GNB5: variants seen among roughly 807,000 people sequenced by gnomAD.
The protein encoded by GNB5 is guanine nucleotide-binding protein subunit beta-5.
In GNB5, 37 loss-of-function variants were observed where a neutral mutation model predicts 55.3. The ratio of observed to expected loss-of-function variants is 0.67; its 90% confidence interval spans 0.51 to 0.88. The LOEUF is 0.88. GNB5 is among the 40% of genes least tolerant of loss of function. The pLI, the probability that GNB5 is intolerant of heterozygous loss-of-function variation, is 0.00. For synonymous variants in GNB5, 219 were observed against 198.5 expected, an observed-to-expected ratio of 1.10 and a Z score of -0.87; for missense variants, 476 against 515.3, an observed-to-expected ratio of 0.92 and a Z score of 0.74.
rs757529789 is a variant in GNB5, at chr15:52,133,488, CAG to C, written c.772-21_772-20del. 2.6e-6 allele frequency: 4 copies of C among 1,530,784 alleles called. No homozygotes were observed. The highest frequency in any genetic ancestry group is 1.4e-5 in the African/African-American group (1 of 73,528). 94.8% of individuals were successfully genotyped at this position (1,530,784 alleles called of 1,614,324 possible). The stretch of plus-strand genomic sequence containing the variant: ...CACATCCCTACAAATGAAAATTAGC[CAG>C]AGTTATGGCCACTTTAAGGAATGTC... On this transcript the variant is annotated intron_variant, in intron 8 of 12. Transcript: ENST00000261837.
intron 9 of GNB5, among the ~76,000 whole-genome samples, chr15:52,132,557 G>A (rs1378451038): frequency 6.8e-6 from 1 of 146,734 alleles, no homozygotes; most frequent in African/African-American, 2.5e-5. Context: ...GCACCATCTC[G>A]GCTCACTGTA....
At chr15:52,129,794 T>G (rs1208239423) in intron 9 of GNB5, among the ~76,000 whole-genome samples, 2 of 152,198 alleles carry the variant, frequency 1.3e-5, no homozygotes, top group Non-Finnish European at 2.9e-5. Context: ...GGGGTGCTAC[T>G]GGAATTCAGT....
Position 52,128,187 on chromosome 15 carries a change from G to C in GNB5, c.912+9C>G. 6.3e-7 allele frequency: 1 copy of C among 1,595,344 alleles called. No individual in the cohort carries two copies. Among genetic ancestry groups the C allele is most frequent in the Non-Finnish European group, 8.6e-7 (1 of 1,163,080 alleles). ...ACTAGGAAAAGCTCTCAAAAACTTA[G>C]AAACATACCGTAGCGTCATCTGACC... is the stretch of plus-strand genomic sequence containing the variant. On this transcript the variant is annotated intron_variant, in intron 10 of 12. Coordinates refer to ENST00000261837, the MANE Select transcript of GNB5 (RefSeq NM_016194.4).
At chr15:52,130,261 T>C (rs1038272673) in intron 9 of GNB5, among the ~76,000 whole-genome samples, 1 of 152,132 alleles carries the variant, frequency 6.6e-6, no homozygotes, top group Non-Finnish European at 1.5e-5. Flanking sequence ...AAGGGCATGC[T>C]AAGAGAATAA....
intron 9 of GNB5, 51 bp from the exon 10 acceptor site, chr15:52,128,295 C>A: frequency 8.9e-7 from 1 of 1,121,320 alleles, no homozygotes; most frequent in Non-Finnish European, 1.4e-6. Context: ...ACCCTGGATG[C>A]CCATCAGAAC....
chr15:52,128,090 T>C (rs555018436), intron 10 of GNB5, 106 bp downstream of exon 10: 10 of 699,690 alleles, frequency 1.4e-5, no homozygotes, highest in African/African-American at 3.6e-5. Context: ...ATTTTCTTTA[T>C]TGAATACTCG....
chr15:52,151,859 G>C lies in GNB5; in HGVS notation c.376-1934C>G, dbSNP rs563200527. ...GGTGGCTCACATCTATAATCTCAGT[G>C]CTTTCAGAGGCTGAGGCAGGAGGAT... On this transcript the variant is annotated intron_variant, in intron 4 of 12. Transcript: ENST00000261837. 2.9e-4 allele frequency among the ~76,000 whole-genome samples: 44 copies of C among 152,120 alleles called. No homozygotes were observed. The East Asian group carries it at 3.7e-3, about 13-fold the overall frequency.
At chr15:52,165,393 C>T (rs1248853310) in intron 3 of GNB5, among the ~76,000 whole-genome samples, 1 of 151,984 alleles carries the variant, frequency 6.6e-6, no homozygotes, top group African/African-American at 2.4e-5. Flanking sequence ...AAAGATCAAC[C>T]CCAAGACACA....
At chr15:52,176,193 C>A (rs1238074512) in intron 3 of GNB5, among the ~76,000 whole-genome samples, 1 of 152,236 alleles carries the variant, frequency 6.6e-6, no homozygotes, top group Non-Finnish European at 1.5e-5. Flanking sequence ...TCCTCCCCAG[C>A]CTCACCAGAC....
chr15:52,158,011 GAT>G (rs2034252201), intron 3 of GNB5, among the ~76,000 whole-genome samples: 1 of 151,806 alleles, frequency 6.6e-6, no homozygotes, highest in Non-Finnish European at 1.5e-5. Flanking sequence ...ATTCCTCCAG[GAT>G]TTAATTTTTT....
At chr15:52,122,888 G>A (rs1030269528) in intron 12 of GNB5, 120 bp from the exon 13 acceptor site, 5 of 717,596 alleles carry the variant, frequency 7.0e-6, no homozygotes, top group Admixed American at 2.0e-5. Flanking sequence ...ATATGTGTGT[G>A]TACACACACA....
In GNB5 at chr15:52,137,695, T is replaced by C. The variant is rs1022969379; in HGVS notation, c.628-1939A>G. The C allele has an allele frequency of 7.6e-6, 9 of 1,186,086 alleles. 1 individual carries two copies. The South Asian group carries it at 1.4e-4, about 19-fold the overall frequency. The allele number at this position is 1,186,086 out of a possible 1,614,324, so 73.5% of individuals were successfully genotyped here. On this transcript the variant is annotated intron_variant, in intron 7 of 12. Transcript: ENST00000261837. ...ATGAGGCCTGGGCTCTGGCTGAGCA[T>C]ACCTTCCTGGGATTGGGAGAAAGGC...
chr15:52,139,788 G>T (rs1164216565), intron 7 of GNB5: 7 of 1,232,036 alleles, frequency 5.7e-6, no homozygotes, highest in Non-Finnish European at 6.3e-6. Context: ...TAAGCTGCTT[G>T]TTGGAAAAGA....
At chr15:52,142,544 C>G (rs1271293103) in intron 6 of GNB5, among the ~76,000 whole-genome samples, 1 of 150,504 alleles carries the variant, frequency 6.6e-6, no homozygotes, top group African/African-American at 2.4e-5. Context: ...AATTTGGGGC[C>G]TCTTCAAGCC....
At chr15:52,185,614 G>A (rs777646670) in intron 1 of GNB5, among the ~76,000 whole-genome samples, 3 of 152,056 alleles carry the variant, frequency 2.0e-5, no homozygotes, top group African/African-American at 4.8e-5. Context: ...GACAAGACGC[G>A]AGGAAGTCAT....
At chr15:52,133,162 C>A (rs1300664185) in intron 9 of GNB5, among the ~76,000 whole-genome samples, 4 of 152,106 alleles carry the variant, frequency 2.6e-5, no homozygotes, top group Admixed American at 6.5e-5. Flanking sequence ...GCTGATTCAA[C>A]TTAGGGAGGA....
chr15:52,172,482 T>C (rs904409385), intron 3 of GNB5, among the ~76,000 whole-genome samples: 1 of 151,890 alleles, frequency 6.6e-6, no homozygotes, highest in Non-Finnish European at 1.5e-5. Flanking sequence ...TCCCTTATTA[T>C]AAAAAGCAGT....
intron 2 of GNB5, among the ~76,000 whole-genome samples, chr15:52,183,005 A>G (rs2034793302): frequency 6.6e-6 from 1 of 152,186 alleles, no homozygotes; most frequent in South Asian, 2.1e-4. Context: ...TACAAAAATT[A>G]GCCAGGCATA....
chr15:52,117,102 A>ATATATATATATATTTTTTTTTTT lies in GNB5; in HGVS notation c.*5654_*5655insAAAAAAAAAAATATATATATATA. Reference sequence around the variant, plus strand: ...CCACGCCCAGCTAATATATATATATATTTTTTTTTAGTACAGACAGGGTTT... The same window carrying ATATATATATATATTTTTTTTTTT: ...CCACGCCCAGCTAATATATATATATATATATATATATATTTTTTTTTTTTTTTTTTTTAGTACAGACAGGGTTT... On this transcript the variant is annotated 3_prime_UTR_variant, in exon 13 of 13. Transcript: ENST00000261837. The ATATATATATATATTTTTTTTTTT allele has an allele frequency of 4.6e-5, 4 of 87,100 alleles. No individual in the cohort carries two copies. The highest frequency in any genetic ancestry group is 3.8e-4 in the South Asian group (1 of 2,628). 5.4% of individuals were successfully genotyped at this position (87,100 alleles called of 1,614,324 possible). A position where few individuals can be genotyped will look rare whatever the true frequency, so the allele number is the denominator to read the frequency against.
Sources: allele counts gnomAD v4.1 joint callset (sites outside exome capture counted in the v4.1 genomes callset), GRCh38; gene constraint gnomAD v4.1.1; transcripts MANE v1.5; gene names NCBI Gene and HGNC (gene_info 2026-07-23, HGNC 2026-07-21).